Variants in BBOX1 observed in about 807,000 individuals in gnomAD.
BBOX1 encodes gamma-butyrobetaine dioxygenase.
A neutral mutation model predicts 41.6 loss-of-function variants in BBOX1; 35 were observed. The observed-to-expected ratio is 0.84, with a 90% CI of 0.64 to 1.11. The LOEUF (loss-of-function observed/expected upper bound fraction) is 1.11. Among genes scored for constraint, BBOX1 ranks in the 50% most tolerant of loss-of-function variants. The pLI, the probability that BBOX1 is intolerant of heterozygous loss-of-function variation, is 0.00. For synonymous variants in BBOX1, 163 were observed against 154.7 expected (o/e 1.05, Z -0.40); for missense variants, 458 against 460.6 (o/e 0.99, Z 0.05).
chr11:27,127,753 A>AC lies in BBOX1; in HGVS notation c.*300_*301insC, dbSNP rs151287279. The AC allele has an allele frequency of 0.037, 9,361 of 251,262 alleles. 278 individuals are homozygous for AC. Among genetic ancestry groups the AC allele is most frequent in the South Asian group, 0.11 (1,246 of 11,358 alleles). The allele number at this position is 251,262 out of a possible 1,614,324, so 15.6% of individuals were successfully genotyped here. On this transcript the variant is annotated 3_prime_UTR_variant, in exon 9 of 9. Transcript: ENST00000263182. ...ACAAATAGTTTTTGTAGCAAATGAA[A>AC]ATTTCTTCAAATAAGCCTTTTGTTT...
Position 27,125,654 on chromosome 11 carries a change from G to A in BBOX1, c.837G>A (p.Glu279=). 6.5e-7 allele frequency: 1 copy of A among 1,541,116 alleles called. No individual in the cohort carries two copies. Among genetic ancestry groups the A allele is most frequent in the Non-Finnish European group, 8.8e-7 (1 of 1,142,774 alleles). Reference sequence around the variant, plus strand: ...TTAATTTTTTCTCTTAATAAAACAGGTTAGATGATAAAGGCCAAGTGGTTC... The same window carrying A: ...TTAATTTTTTCTCTTAATAAAACAGATTAGATGATAAAGGCCAAGTGGTTC... ...FSVQSKHKII[E]LDDKGQVVRI... The change falls in exon 8 of 9, where the codon GAG becomes GAA. Residue 279 remains glutamate (E), a splice_region_variant and synonymous_variant. Transcript: ENST00000263182.
At chr11:27,099,758 T>G (rs943671146) in intron 5 of BBOX1, among the ~76,000 whole-genome samples, 1 of 152,126 alleles carries the variant, frequency 6.6e-6, no homozygotes, top group Non-Finnish European at 1.5e-5. Context: ...GATCCTCCTC[T>G]ACTGCGGACT....
At chr11:27,054,238 T>TGCAC in intron 2 of BBOX1, among the ~76,000 whole-genome samples, 1 of 139,194 alleles carries the variant, frequency 7.2e-6, no homozygotes, top group Non-Finnish European at 1.6e-5. Context: ...TGTGTGTGCG[T>TGCAC]GCACATGTGT....
chr11:27,056,956 C>T (rs1856998543), intron 3 of BBOX1, among the ~76,000 whole-genome samples: 1 of 148,794 alleles, frequency 6.7e-6, no homozygotes, highest in Non-Finnish European at 1.5e-5. Flanking sequence ...ATCCCAGCTA[C>T]TTGGGAGGCT....
chr11:27,078,290 T>C lies in BBOX1; in HGVS notation c.335-14878T>C, dbSNP rs182844204. On this transcript the variant is annotated intron_variant, in intron 4 of 8. Coordinates refer to ENST00000263182, the MANE Select transcript of BBOX1 (RefSeq NM_003986.3). Reference sequence around the variant, plus strand: ...CTGGTAACATTGAAACAGCAAGTCTTTCATATACAAATGAAAACATACACA... The same window carrying C: ...CTGGTAACATTGAAACAGCAAGTCTCTCATATACAAATGAAAACATACACA... Among the ~76,000 whole-genome samples the C allele has an allele frequency of 1.5e-3, 232 of 152,314 alleles. 2 individuals carry two copies. The highest frequency in any genetic ancestry group is 5.4e-3 in the African/African-American group (223 of 41,584).
At chr11:27,118,523 CAG>C (rs1234899100) in intron 6 of BBOX1, among the ~76,000 whole-genome samples, 2 of 151,976 alleles carry the variant, frequency 1.3e-5, no homozygotes, top group African/African-American at 4.8e-5. Flanking sequence ...TTTAATGAAA[CAG>C]AGATGTTGCT....
At chr11:27,087,107 T>C (rs758516293) in intron 4 of BBOX1, among the ~76,000 whole-genome samples, 22 of 152,082 alleles carry the variant, frequency 1.4e-4, no homozygotes, top group Non-Finnish European at 1.3e-4. Flanking sequence ...GTGGACATTG[T>C]TGAAATGAAA....
chr11:27,125,807 C>T lies in BBOX1; in HGVS notation c.990C>T (p.Phe330=), dbSNP rs752880877. The stretch of plus-strand genomic sequence containing the variant: ...ACAGCAAAGAATCCAAGTTTACCTT[C>T]AAGATGAATCCAGGTCAGTGAATAC... The part of the protein sequence containing the change: ...LMNSKESKFT[F]KMNPGDVITF... Residue 330 remains phenylalanine (F), a synonymous_variant, in exon 8 of 9, where the codon TTC becomes TTT. Coordinates refer to ENST00000263182, the MANE Select transcript of BBOX1 (RefSeq NM_003986.3). 1.2e-6 allele frequency: 2 copies of T among 1,610,096 alleles called. No homozygotes were observed. The highest frequency in any genetic ancestry group is 1.7e-6 in the Non-Finnish European group (2 of 1,178,780).
intron 4 of BBOX1, among the ~76,000 whole-genome samples, chr11:27,087,879 C>T (rs182553690): frequency 6.3e-4 from 96 of 152,050 alleles, no homozygotes; most frequent in African/African-American, 2.2e-3. Context: ...ACTGAAAAAC[C>T]ATTATAACCA....
At chr11:27,066,800 A>G (rs980789289) in intron 4 of BBOX1, 1 of 152,050 alleles carries the variant, frequency 6.6e-6, no homozygotes, top group Non-Finnish European at 1.5e-5. Flanking sequence ...TGATTTGCCT[A>G]ATTTCTGGCT....
intron 4 of BBOX1, among the ~76,000 whole-genome samples, chr11:27,060,592 CAT>C (rs370869450): frequency 1.1e-3 from 163 of 152,296 alleles, no homozygotes; most frequent in African/African-American, 3.3e-3. Context: ...AATTCTTAAA[CAT>C]GTGTGGTAAC....
intron 2 of BBOX1, among the ~76,000 whole-genome samples, chr11:27,044,275 A>T (rs577680608): frequency 6.6e-6 from 1 of 151,748 alleles, no homozygotes; most frequent in South Asian, 2.1e-4. Flanking sequence ...TCTTTTGCCC[A>T]TTTTTGATGG....
chr11:27,106,747 T>C (rs1439960185), intron 5 of BBOX1, among the ~76,000 whole-genome samples: 1 of 40,260 alleles, frequency 2.5e-5, no homozygotes, highest in East Asian at 7.6e-4. Flanking sequence ...CTAATAGACA[T>C]CTACAGAACT....
chr11:27,115,600 C>T (rs1248249038), intron 6 of BBOX1, 43 bp downstream of exon 6: 1 of 1,503,992 alleles, frequency 6.6e-7, no homozygotes, highest in African/African-American at 1.4e-5. Flanking sequence ...ATGATGATGA[C>T]CAGTATCTTT....
intron 5 of BBOX1, among the ~76,000 whole-genome samples, chr11:27,093,590 T>C (rs1486672871): frequency 1.3e-5 from 2 of 151,998 alleles, no homozygotes; most frequent in Admixed American, 6.6e-5. Context: ...AGGCTAGTTA[T>C]AGGTGGTGTA....
At chr11:27,051,444 T>C (rs1323654203) in intron 2 of BBOX1, among the ~76,000 whole-genome samples, 1 of 152,036 alleles carries the variant, frequency 6.6e-6, no homozygotes, top group Admixed American at 6.6e-5. Context: ...AATTCACTGG[T>C]GAAGCCATCA....
intron 6 of BBOX1, among the ~76,000 whole-genome samples, chr11:27,116,935 C>CA (rs894228183): frequency 2.8e-4 from 43 of 152,144 alleles, no homozygotes; most frequent in African/African-American, 9.4e-4. Flanking sequence ...TCCCATCTAT[C>CA]AGATTCCTTG....
chr11:27,096,499 T>C (rs1041544793), intron 5 of BBOX1, among the ~76,000 whole-genome samples: 1 of 152,010 alleles, frequency 6.6e-6, no homozygotes. Flanking sequence ...TTATGACTGC[T>C]CTTGGTTAGA....
chr11:27,045,394 T>C (rs10767594), intron 2 of BBOX1, among the ~76,000 whole-genome samples: 79,835 of 152,050 alleles, frequency 0.53, 21,309 homozygotes, highest in African/African-American at 0.63. Flanking sequence ...ATTTGACTTC[T>C]TCTTTTCCTA....
Sources: gnomAD v4.1 joint callset for allele counts (sites outside exome capture counted in the v4.1 genomes callset) on GRCh38, gnomAD v4.1.1 for gene constraint, MANE v1.5 for transcripts, NCBI Gene and HGNC (gene_info 2026-07-23, HGNC 2026-07-21) for gene names.